The following PCP4L1 variants were observed in gnomAD, a reference collection of about 807,000 sequenced individuals.
PCP4L1 encodes Purkinje cell protein 4-like protein 1.
PCP4L1 carries 9 observed loss-of-function variants against 9.6 expected under a neutral mutation model. That is an observed-to-expected ratio of 0.94 (90% confidence interval 0.57 to 1.64). The LOEUF (loss-of-function observed/expected upper bound fraction) is 1.64, where lower values mean the gene tolerates loss of function less well. Among genes scored for constraint, PCP4L1 ranks in the 40% most tolerant of loss-of-function variants. PCP4L1 has a pLI of 0.00. For missense variants in PCP4L1, 81 were observed against 80.8 expected (o/e 1.00, Z -0.01); for synonymous variants, 31 against 28.2 (o/e 1.10, Z -0.31).
intron 1 of PCP4L1, among the ~76,000 whole-genome samples, chr1:161,278,679 C>T (rs569914231): frequency 3.9e-5 from 6 of 152,288 alleles, no homozygotes; most frequent in African/African-American, 1.4e-4. Context: ...AGAAAAAAAT[C>T]GAAATTCTTT....
intron 1 of PCP4L1, among the ~76,000 whole-genome samples, chr1:161,266,786 G>A (rs1179061590): frequency 6.6e-6 from 1 of 152,152 alleles, no homozygotes; most frequent in Non-Finnish European, 1.5e-5. Context: ...GTGACCTTGA[G>A]CAAGTCTTTC....
At chr1:161,261,619 G>A (rs1284386626) in intron 1 of PCP4L1, among the ~76,000 whole-genome samples, 1 of 152,234 alleles carries the variant, frequency 6.6e-6, no homozygotes, top group Non-Finnish European at 1.5e-5. Context: ...ATACAGTGTA[G>A]CTGGCTGCTT....
chr1:161,274,014 A>G (rs1254141175), intron 1 of PCP4L1, among the ~76,000 whole-genome samples: 1 of 152,180 alleles, frequency 6.6e-6, no homozygotes, highest in Non-Finnish European at 1.5e-5. Context: ...TGTTTGTTCT[A>G]TGGCTTTGGG....
Position 161,284,397 on chromosome 1 carries a change from A to C in PCP4L1, c.123A>C (p.Thr41=), listed in dbSNP as rs1316549794. Residue 41 remains threonine, a synonymous_variant, in exon 3 of 3, where the codon ACA becomes ACC. Coordinates refer to ENST00000504449, the MANE Select transcript of PCP4L1 (RefSeq NM_001102566.2). ...EEEEEIDIDL[T]APETEKAALA... is the part of the protein sequence containing the mutation. ...AGGAGGAGATTGACATTGATCTGAC[A>C]GCACCAGAAACAGAGAAGGCTGCCC... 6.2e-7 allele frequency: 1 copy of C among 1,614,016 alleles called. No homozygotes were observed. Among genetic ancestry groups the C allele is most frequent in the African/African-American group, 1.3e-5 (1 of 75,046 alleles).
At chr1:161,270,082 A>T (rs183537388) in intron 1 of PCP4L1, among the ~76,000 whole-genome samples, 29 of 151,886 alleles carry the variant, frequency 1.9e-4, no homozygotes, top group Non-Finnish European at 5.9e-5. Flanking sequence ...GGATCACCTG[A>T]GGTCAGAAGT....
At chr1:161,270,133 C>A (rs6657761) in intron 1 of PCP4L1, among the ~76,000 whole-genome samples, 43,033 of 151,754 alleles carry the variant, frequency 0.28, 6,272 homozygotes, top group East Asian at 0.42. Flanking sequence ...CCGGTCTCTA[C>A]TAAAAATACA....
chr1:161,271,685 G>A (rs1669627565), intron 1 of PCP4L1, among the ~76,000 whole-genome samples: 1 of 151,982 alleles, frequency 6.6e-6, no homozygotes, highest in African/African-American at 2.4e-5. Flanking sequence ...TGTATTTTTA[G>A]TAGAAACTGG....
In PCP4L1 at chr1:161,284,330, T is replaced by C; in HGVS notation, c.65-9T>C. ...TTAACTCATTAATGAGTCTCCCAAC[T>C]ATCTGCAGGAAAAGCTGGCAATGTC... On this transcript the variant is annotated splice_polypyrimidine_tract_variant and intron_variant, in intron 2 of 2. Transcript: ENST00000504449. 1.2e-6 allele frequency: 2 copies of C among 1,613,904 alleles called. No homozygotes were observed. Among genetic ancestry groups the C allele is most frequent in the Non-Finnish European group, 1.7e-6 (2 of 1,179,866 alleles).
intron 1 of PCP4L1, among the ~76,000 whole-genome samples, chr1:161,259,425 G>A (rs1403012741): frequency 6.6e-6 from 1 of 152,102 alleles, no homozygotes; most frequent in Non-Finnish European, 1.5e-5. Context: ...CCTGGCCCCC[G>A]GGGAGGGCCA....
At chr1:161,269,285 G>A (rs1362922083) in intron 1 of PCP4L1, among the ~76,000 whole-genome samples, 3 of 152,092 alleles carry the variant, frequency 2.0e-5, no homozygotes, top group Non-Finnish European at 2.9e-5. Flanking sequence ...ACCTGTACCT[G>A]TAGTACAGGT....
At chr1:161,281,517 A>AC (rs956089966) in intron 1 of PCP4L1, among the ~76,000 whole-genome samples, 3 of 133,144 alleles carry the variant, frequency 2.3e-5, no homozygotes, top group African/African-American at 5.8e-5. Flanking sequence ...GCGGGGGCTG[A>AC]CCCCCCACCT....
intron 1 of PCP4L1, among the ~76,000 whole-genome samples, chr1:161,266,811 G>A (rs890639297): frequency 1.3e-5 from 2 of 152,250 alleles, no homozygotes; most frequent in East Asian, 1.9e-4. Flanking sequence ...GCTGTTTAAG[G>A]ACTGCAGCTG....
intron 1 of PCP4L1, among the ~76,000 whole-genome samples, chr1:161,276,715 G>GTA (rs957315797): frequency 0.017 from 1,841 of 105,998 alleles, 36 homozygotes; most frequent in African/African-American, 0.06. Context: ...GTGTGTGTGT[G>GTA]TATATATATA....
intron 1 of PCP4L1, among the ~76,000 whole-genome samples, chr1:161,275,979 G>T (rs1216110888): frequency 2.0e-5 from 3 of 151,934 alleles, no homozygotes; most frequent in Non-Finnish European, 4.4e-5. Flanking sequence ...GTTTTTAGTA[G>T]AGATGGGGTT....
At chr1:161,270,189 C>T (rs2501871) in intron 1 of PCP4L1, among the ~76,000 whole-genome samples, 67,642 of 151,366 alleles carry the variant, frequency 0.45, 15,440 homozygotes, top group African/African-American at 0.54. Context: ...CCCGGCTACT[C>T]GGGAGGCTGA....
intron 1 of PCP4L1, among the ~76,000 whole-genome samples, chr1:161,270,858 A>T (rs1669613307): frequency 6.9e-6 from 1 of 144,340 alleles, no homozygotes; most frequent in Non-Finnish European, 1.5e-5. Flanking sequence ...CTGGTGATTG[A>T]TAGAGGGAGA....
chr1:161,278,954 T>C (rs1285835183), intron 1 of PCP4L1, among the ~76,000 whole-genome samples: 1 of 152,180 alleles, frequency 6.6e-6, no homozygotes, highest in Non-Finnish European at 1.5e-5. Context: ...GATTAATTTT[T>C]GTAGTTTTTG....
chr1:161,270,876 TAA>T (rs368483521), intron 1 of PCP4L1, among the ~76,000 whole-genome samples: 18 of 135,708 alleles, frequency 1.3e-4, no homozygotes, highest in Non-Finnish European at 1.7e-4. Flanking sequence ...AGACTCCGTC[TAA>T]AAAAAAAAAA....
At chr1:161,264,665 CT>C (rs1669500078) in intron 1 of PCP4L1, among the ~76,000 whole-genome samples, 1 of 151,950 alleles carries the variant, frequency 6.6e-6, no homozygotes, top group Non-Finnish European at 1.5e-5. Flanking sequence ...CCTGTCTCTA[CT>C]AAAAATTAAA....
Sources: allele counts gnomAD v4.1 joint callset (sites outside exome capture counted in the v4.1 genomes callset), GRCh38; gene constraint gnomAD v4.1.1; transcripts MANE v1.5; gene names NCBI Gene and HGNC (gene_info 2026-07-23, HGNC 2026-07-21).